ZCCHC7: variants seen among roughly 807,000 people sequenced by gnomAD.
ZCCHC7 encodes the protein zinc finger CCHC domain-containing protein 7.
A neutral mutation model predicts 52.0 loss-of-function variants in ZCCHC7; 35 were observed. The observed-to-expected ratio is 0.67, with a 90% CI of 0.51 to 0.89. The LOEUF (loss-of-function observed/expected upper bound fraction) is 0.89. Among genes scored for constraint, ZCCHC7 ranks in the 40% least tolerant of loss-of-function variants. The pLI, the probability that ZCCHC7 is intolerant of heterozygous loss-of-function variation, is 0.00. For synonymous variants in ZCCHC7, 217 were observed against 221.5 expected, an observed-to-expected ratio of 0.98 and a Z score of 0.18; for missense variants, 574 against 649.1, an observed-to-expected ratio of 0.88 and a Z score of 1.26.
At position 37,357,374 on chromosome 9, in the gene ZCCHC7, T is replaced by G; in HGVS notation, c.*106T>G. On this transcript the variant is annotated 3_prime_UTR_variant, in exon 9 of 9. Coordinates refer to ENST00000336755, the MANE Select transcript of ZCCHC7 (RefSeq NM_032226.3). ...TCTATGATTAAATAAAGTGAGTTTT[T>G]GGTTTTGTTTTTTTAATTTCAGCCA... 8.4e-7 allele frequency: 1 copy of G among 1,184,450 alleles called. No individual in the cohort carries two copies. Among genetic ancestry groups the G allele is most frequent in the Non-Finnish European group, 1.1e-6 (1 of 877,996 alleles). 73.4% of individuals were successfully genotyped at this position (1,184,450 alleles called of 1,614,324 possible). A position where few individuals can be genotyped will look rare whatever the true frequency, so the allele number is the denominator to read the frequency against.
At chr9:37,132,097 T>A (rs75873325) in intron 2 of ZCCHC7, among the ~76,000 whole-genome samples, 26 of 152,190 alleles carry the variant, frequency 1.7e-4, no homozygotes, top group African/African-American at 2.9e-4. Context: ...CCTTTTTTTT[T>A]AATTATCCCC....
chr9:37,290,184 G>A (rs2133622884), intron 2 of ZCCHC7, among the ~76,000 whole-genome samples: 1 of 152,286 alleles, frequency 6.6e-6, no homozygotes, highest in East Asian at 1.9e-4. Flanking sequence ...TATATCCCAA[G>A]CATCTAGAAT....
At chr9:37,200,204 C>T (rs1038070828) in intron 2 of ZCCHC7, among the ~76,000 whole-genome samples, 3 of 151,690 alleles carry the variant, frequency 2.0e-5, no homozygotes, top group Admixed American at 6.6e-5. Flanking sequence ...TTTTCTTCTC[C>T]ATGTTCACTT....
chr9:37,166,795 CT>C (rs1821447015), intron 2 of ZCCHC7, among the ~76,000 whole-genome samples: 1 of 151,996 alleles, frequency 6.6e-6, no homozygotes, highest in South Asian at 2.1e-4. Flanking sequence ...GTGATTTCTC[CT>C]TTGACCCAGG....
chr9:37,166,550 T>C (rs1408025481), intron 2 of ZCCHC7, among the ~76,000 whole-genome samples: 1 of 152,116 alleles, frequency 6.6e-6, no homozygotes, highest in East Asian at 1.9e-4. Context: ...TTTTTAACTT[T>C]TTAAACTTTT....
chr9:37,311,088 A>G (rs1230515639), intron 5 of ZCCHC7, among the ~76,000 whole-genome samples: 1 of 152,146 alleles, frequency 6.6e-6, no homozygotes, highest in African/African-American at 2.4e-5. Flanking sequence ...AAAGCAGTAT[A>G]GAATGTTGAT....
At chr9:37,271,849 C>T (rs986812675) in intron 2 of ZCCHC7, among the ~76,000 whole-genome samples, 5 of 152,122 alleles carry the variant, frequency 3.3e-5, no homozygotes, top group South Asian at 4.1e-4. Flanking sequence ...GGATTATATG[C>T]GTGAGTCACT....
intron 5 of ZCCHC7, among the ~76,000 whole-genome samples, chr9:37,317,029 A>G (rs2117926873): frequency 6.6e-6 from 1 of 152,322 alleles, no homozygotes; most frequent in Middle Eastern, 3.4e-3. Context: ...TTCTTCACAG[A>G]TAATGTGAAT....
intron 2 of ZCCHC7, among the ~76,000 whole-genome samples, chr9:37,262,523 A>G (rs1826916637): frequency 6.6e-6 from 1 of 152,162 alleles, no homozygotes; most frequent in Non-Finnish European, 1.5e-5. Flanking sequence ...GGAAATATAC[A>G]AGTATAGTGT....
Position 37,357,672 on chromosome 9 carries a change from C to CT in ZCCHC7, c.*423dup, listed in dbSNP as rs201395017. ...AGAAAAAGTCATCAATATTTTTCAA[C>CT]TTTTTTTTTTTTTTTTTTTACTTTG... On this transcript the variant is annotated 3_prime_UTR_variant, in exon 9 of 9. Coordinates refer to ENST00000336755, the MANE Select transcript of ZCCHC7 (RefSeq NM_032226.3). 0.048 allele frequency: 6,544 copies of CT among 136,474 alleles called. 323 individuals carry two copies. The highest frequency in any genetic ancestry group is 0.13 in the African/African-American group (4,981 of 38,108). 8.5% of individuals were successfully genotyped at this position (136,474 alleles called of 1,614,324 possible).
chr9:37,203,870 GAGTAATTGCCACACTGTCTTCAA>G (rs1167061222), intron 2 of ZCCHC7, among the ~76,000 whole-genome samples: 2 of 152,182 alleles, frequency 1.3e-5, no homozygotes, highest in Non-Finnish European at 2.9e-5. Flanking sequence ...CTAGATCCTT[GAGTAATTGCCACACTGTCTTCAA>G]CAATGGTTGA....
intron 6 of ZCCHC7, among the ~76,000 whole-genome samples, chr9:37,341,597 G>A (rs989195457): frequency 2.6e-5 from 4 of 152,114 alleles, no homozygotes; most frequent in Non-Finnish European, 5.9e-5. Flanking sequence ...TAAGTGCCAT[G>A]TTGAGTTTTG....
chr9:37,259,201 G>C (rs1651206885), intron 2 of ZCCHC7, among the ~76,000 whole-genome samples: 1 of 152,180 alleles, frequency 6.6e-6, no homozygotes, highest in Non-Finnish European at 1.5e-5. Context: ...ACAGTTAAGA[G>C]TGCTAATGTT....
At chr9:37,200,169 CCT>C (rs1434666778) in intron 2 of ZCCHC7, among the ~76,000 whole-genome samples, 20 of 151,994 alleles carry the variant, frequency 1.3e-4, no homozygotes, top group African/African-American at 4.3e-4. Flanking sequence ...TTTCTAATTT[CCT>C]CTCTCTTTGT....
intron 2 of ZCCHC7, among the ~76,000 whole-genome samples, chr9:37,156,922 C>A (rs1168166568): frequency 6.6e-6 from 1 of 152,054 alleles, no homozygotes; most frequent in East Asian, 1.9e-4. Flanking sequence ...AAATTAACTT[C>A]CTGATGCAAG....
At position 37,279,714 on chromosome 9, in the gene ZCCHC7, A is replaced by G. The variant is rs547271630; in HGVS notation, c.611-22474A>G. ...TCTCTATAAATTAAAATATATATAT[A>G]TATATTAGAAAAACATAATTACATG... On this transcript the variant is annotated intron_variant, in intron 2 of 8. Transcript: ENST00000336755. 6.6e-5 allele frequency among the ~76,000 whole-genome samples: 10 copies of G among 150,894 alleles called. No individual in the cohort carries two copies. The South Asian group carries it at 1.7e-3, about 25-fold the overall frequency.
At chr9:37,167,318 T>G (rs1821481335) in intron 2 of ZCCHC7, among the ~76,000 whole-genome samples, 1 of 151,728 alleles carries the variant, frequency 6.6e-6, no homozygotes, top group African/African-American at 2.4e-5. Context: ...TCCAGGCTGG[T>G]CTTGAACTCC....
At chr9:37,121,266 C>T (rs1378256979) in intron 1 of ZCCHC7, among the ~76,000 whole-genome samples, 1 of 152,200 alleles carries the variant, frequency 6.6e-6, no homozygotes, top group African/African-American at 2.4e-5. Context: ...GGCTCCCCCA[C>T]GGATTCGCTG....
intron 2 of ZCCHC7, among the ~76,000 whole-genome samples, chr9:37,151,055 C>T (rs1340932631): frequency 6.6e-6 from 1 of 151,066 alleles, no homozygotes; most frequent in Non-Finnish European, 1.5e-5. Context: ...AGCTCCGCCT[C>T]CCGGGTTTAC....
Sources: allele counts gnomAD v4.1 joint callset (sites outside exome capture counted in the v4.1 genomes callset), GRCh38; gene constraint gnomAD v4.1.1; transcripts MANE v1.5; gene names NCBI Gene and HGNC (gene_info 2026-07-23, HGNC 2026-07-21).